ERBB4: variants seen among roughly 807,000 people sequenced by gnomAD.
ERBB4 encodes erb-b2 receptor tyrosine kinase 4.
In ERBB4, 42 loss-of-function variants were observed where a neutral mutation model predicts 158.0. That is an observed-to-expected ratio of 0.27 (90% CI 0.21 to 0.34). The LOEUF is 0.34. ERBB4 is among the 10% of genes least tolerant of loss of function. The pLI is 1.00. For synonymous variants in ERBB4, 583 were observed against 558.7 expected, an observed-to-expected ratio of 1.04 and a Z score of -0.61; for missense variants, 1,333 against 1,624.1, an observed-to-expected ratio of 0.82 and a Z score of 3.08.
At chr2:211,640,389 T>C (rs1446531569) in intron 16 of ERBB4, among the ~76,000 whole-genome samples, 1 of 152,154 alleles carries the variant, frequency 6.6e-6, no homozygotes, top group East Asian at 1.9e-4. Context: ...AATACAGTTG[T>C]GGGAAAAATA....
chr2:211,952,556 CT>C (rs1221366207), intron 2 of ERBB4, among the ~76,000 whole-genome samples: 1 of 152,050 alleles, frequency 6.6e-6, no homozygotes, highest in African/African-American at 2.4e-5. Flanking sequence ...ATAAAAACAA[CT>C]TTTAAACATA....
intron 2 of ERBB4, among the ~76,000 whole-genome samples, chr2:212,111,390 G>A (rs2079401190): frequency 6.6e-6 from 1 of 152,112 alleles, no homozygotes; most frequent in Admixed American, 6.5e-5. Flanking sequence ...TCCTGCTACT[G>A]GATTTGTTAC....
At chr2:211,410,337 T>C (rs1241772072) in intron 25 of ERBB4, among the ~76,000 whole-genome samples, 2 of 152,344 alleles carry the variant, frequency 1.3e-5, no homozygotes, top group African/African-American at 4.8e-5. Context: ...AAAATCATTG[T>C]GATTTACCAC....
At chr2:212,385,769 A>G (rs1035289226) in intron 1 of ERBB4, among the ~76,000 whole-genome samples, 15 of 151,900 alleles carry the variant, frequency 9.9e-5, no homozygotes, top group Non-Finnish European at 2.1e-4. Flanking sequence ...TGGGGAAAGC[A>G]GTAATCCTAT....
chr2:211,424,259 T>C lies in ERBB4; in HGVS notation c.2762A>G (p.Tyr921Cys). ...WELMTFGGKP[Y>C]DGIPTREIPD... The stretch of plus-strand genomic sequence containing the variant: ...GATTTCTCGCGTTGGAATTCCATCA[T>C]AGGGTTTTCCTCCAAAGGTCATCAG... Residue 921 changes from tyrosine to cysteine, a missense_variant, in exon 23 of 28, where the codon TAT becomes TGT. By Grantham distance (194) the Tyr-to-Cys change is radical (BLOSUM62 -2). This residue lies in a region of ERBB4 where 314 missense variants were observed against 437.6 expected (regional missense o/e 0.72). Transcript: ENST00000342788. 1 of 1,613,134 alleles carries C rather than the reference T, an allele frequency of 6.2e-7. No homozygotes were observed. The highest frequency in any genetic ancestry group is 8.5e-7 in the Non-Finnish European group (1 of 1,179,324).
At chr2:212,477,682 T>C (rs1192943724) in intron 1 of ERBB4, among the ~76,000 whole-genome samples, 1 of 152,130 alleles carries the variant, frequency 6.6e-6, no homozygotes, top group Non-Finnish European at 1.5e-5. Flanking sequence ...ATGAGACAAT[T>C]AAATGCTGTG....
At chr2:211,474,094 C>A (rs1458558389) in intron 20 of ERBB4, among the ~76,000 whole-genome samples, 1 of 151,968 alleles carries the variant, frequency 6.6e-6, no homozygotes, top group Admixed American at 6.6e-5. Flanking sequence ...CTTTGTCTTT[C>A]TCTCACTTAT....
intron 2 of ERBB4, among the ~76,000 whole-genome samples, chr2:211,998,776 A>G (rs975003650): frequency 6.6e-6 from 1 of 151,742 alleles, no homozygotes; most frequent in African/African-American, 2.4e-5. Context: ...CAACCATGAT[A>G]CCCTAGGGAT....
At chr2:211,735,773 T>A (rs1317434766) in intron 5 of ERBB4, among the ~76,000 whole-genome samples, 1 of 151,756 alleles carries the variant, frequency 6.6e-6, no homozygotes, top group African/African-American at 2.4e-5. Flanking sequence ...TTTAAAAGAG[T>A]TATACCACAA....
At chr2:212,248,095 C>T (rs1317998957) in intron 1 of ERBB4, among the ~76,000 whole-genome samples, 1 of 151,970 alleles carries the variant, frequency 6.6e-6, no homozygotes, top group Non-Finnish European at 1.5e-5. Flanking sequence ...TTCTGCATGG[C>T]TTGAATTTTG....
At chr2:211,482,678 G>A (rs2065113529) in intron 20 of ERBB4, among the ~76,000 whole-genome samples, 1 of 152,194 alleles carries the variant, frequency 6.6e-6, no homozygotes, top group Non-Finnish European at 1.5e-5. Context: ...GGCCAAGATA[G>A]GCGGATCACC....
At chr2:211,641,054 C>T (rs1216189355) in intron 16 of ERBB4, among the ~76,000 whole-genome samples, 1 of 152,066 alleles carries the variant, frequency 6.6e-6, no homozygotes, top group Non-Finnish European at 1.5e-5. Context: ...TCAACTTTTA[C>T]AATTTCTTTA....
intron 20 of ERBB4, among the ~76,000 whole-genome samples, chr2:211,492,586 C>A (rs1354999631): frequency 1.3e-5 from 2 of 151,838 alleles, no homozygotes; most frequent in Non-Finnish European, 2.9e-5. Context: ...TAATGATGGG[C>A]AAAATAAGTT....
At chr2:212,446,589 A>G (rs1348012955) in intron 1 of ERBB4, among the ~76,000 whole-genome samples, 1 of 22,712 alleles carries the variant, frequency 4.4e-5, no homozygotes, top group Non-Finnish European at 7.0e-5. Flanking sequence ...ATATATATAT[A>G]TGTATATATA....
At chr2:211,670,924 T>C (rs2071813257) in intron 14 of ERBB4, among the ~76,000 whole-genome samples, 1 of 152,162 alleles carries the variant, frequency 6.6e-6, no homozygotes, top group Non-Finnish European at 1.5e-5. Flanking sequence ...GGGACAGTTG[T>C]TGAAGTCTCT....
At chr2:212,057,888 A>T (rs1231978568) in intron 2 of ERBB4, among the ~76,000 whole-genome samples, 1 of 152,204 alleles carries the variant, frequency 6.6e-6, no homozygotes, top group East Asian at 1.9e-4. Context: ...AGCAAGAGCA[A>T]ACACATTCAA....
At chr2:212,270,352 T>C (rs754445037) in intron 1 of ERBB4, among the ~76,000 whole-genome samples, 4 of 151,904 alleles carry the variant, frequency 2.6e-5, no homozygotes, top group Non-Finnish European at 5.9e-5. Flanking sequence ...ACAAGATCTT[T>C]GCACTTGAAC....
rs534214662 is a variant in ERBB4, at chr2:212,377,579, G to A, written c.82+160870C>T. On this transcript the variant is annotated intron_variant, in intron 1 of 27. Transcript: ENST00000342788. ...AAATGCAGCAAGGATGATAAAAAAT[G>A]GTACACCTGTCTAGGGGACCTACCT... Among the ~76,000 whole-genome samples the A allele has an allele frequency of 9.2e-5, 14 of 151,850 alleles. No individual in the cohort carries two copies. In the South Asian group the frequency reaches 2.9e-3, roughly 31 times the overall value.
intron 1 of ERBB4, among the ~76,000 whole-genome samples, chr2:212,450,386 C>T (rs1055641152): frequency 6.6e-6 from 1 of 152,050 alleles, no homozygotes; most frequent in African/African-American, 2.4e-5. Context: ...TAATCCTTTT[C>T]TGGGTCCTTT....
Sources: allele counts gnomAD v4.1 joint callset (sites outside exome capture counted in the v4.1 genomes callset), GRCh38; gene constraint gnomAD v4.1.1; regional missense constraint gnomAD v4.1.1; transcripts MANE v1.5; gene names NCBI Gene and HGNC (gene_info 2026-07-23, HGNC 2026-07-21).